The following GLIS3 variants were observed in gnomAD, a reference collection of about 807,000 sequenced individuals.
The protein encoded by GLIS3 is zinc finger protein GLIS3.
In GLIS3, 53 loss-of-function variants were observed where a neutral mutation model predicts 78.6. That is an observed-to-expected ratio of 0.67 (90% CI 0.54 to 0.85). The LOEUF (loss-of-function observed/expected upper bound fraction) is 0.85, where lower values mean the gene tolerates loss of function less well. Among genes scored for constraint, GLIS3 ranks in the 40% least tolerant of loss-of-function variants. The pLI, the probability that GLIS3 is intolerant of heterozygous loss-of-function variation, is 0.00. For missense variants in GLIS3, 1,703 were observed against 1,231.1 expected (o/e 1.38, Z -5.74); for synonymous variants, 684 against 509.9 (o/e 1.34, Z -4.60).
intron 4 of GLIS3, among the ~76,000 whole-genome samples, chr9:4,007,614 TG>T (rs1022743088): frequency 2.5e-4 from 38 of 152,186 alleles, no homozygotes; most frequent in African/African-American, 7.5e-4. Flanking sequence ...AATCCACATC[TG>T]ATGGTAGAAT....
chr9:4,486,552 T>C, the GLIS3 span, among the ~76,000 whole-genome samples: 2 of 152,214 alleles, frequency 1.3e-5, no homozygotes, highest in African/African-American at 4.8e-5. Flanking sequence ...CTGGACCTCA[T>C]TGGGAGGCTA....
At chr9:4,170,986 G>C (rs1484398718) in intron 2 of GLIS3, among the ~76,000 whole-genome samples, 2 of 152,128 alleles carry the variant, frequency 1.3e-5, no homozygotes, top group Admixed American at 6.5e-5. Flanking sequence ...TGTCATGGTA[G>C]CACATGCAGA....
At chr9:4,344,561 G>A (rs766870581) in intron 2 of GLIS3, among the ~76,000 whole-genome samples, 1 of 152,138 alleles carries the variant, frequency 6.6e-6, no homozygotes, top group East Asian at 1.9e-4. Context: ...CTCACTCCCT[G>A]GGTGTTCTCA....
At chr9:4,060,024 G>A (rs373564152) in intron 4 of GLIS3, among the ~76,000 whole-genome samples, 12 of 152,066 alleles carry the variant, frequency 7.9e-5, no homozygotes, top group East Asian at 3.9e-4. Context: ...GTTGAATTCC[G>A]AATGCATCCT....
intron 6 of GLIS3, among the ~76,000 whole-genome samples, chr9:3,907,813 G>A (rs1823827688): frequency 6.6e-6 from 1 of 152,106 alleles, no homozygotes; most frequent in Non-Finnish European, 1.5e-5. Flanking sequence ...TCTTGCAAGT[G>A]CGTCCTTCAT....
rs375361763 is a variant in GLIS3, at chr9:4,189,397, G to A, written c.389-63456C>T. On this transcript the variant is annotated intron_variant, in intron 2 of 10. Coordinates refer to ENST00000381971, the MANE Select transcript of GLIS3 (RefSeq NM_001042413.2). The stretch of plus-strand genomic sequence containing the variant: ...TTTCTGTTCTTTTATATGTGCTGAG[G>A]AGAGCTTTACTTCCAACTATGTGGT... Among the ~76,000 whole-genome samples, 6 of 152,272 alleles carry A rather than the reference G, an allele frequency of 3.9e-5. No individual in the cohort carries two copies. In the East Asian group the frequency reaches 1.2e-3, roughly 29 times the overall value.
intron 2 of GLIS3, among the ~76,000 whole-genome samples, chr9:4,211,413 C>G (rs537594090): frequency 5.2e-4 from 79 of 152,280 alleles, no homozygotes; most frequent in African/African-American, 1.9e-3. Context: ...ATCTATCAAG[C>G]CTTGCCACCA....
At position 4,286,427 on chromosome 9, in the gene GLIS3, C is replaced by G. The variant is rs1587312807; in HGVS notation, c.-2G>C. 2 of 1,613,862 alleles carry G rather than the reference C, an allele frequency of 1.2e-6. No homozygotes were observed. The highest frequency in any genetic ancestry group is 1.7e-6 in the Non-Finnish European group (2 of 1,180,034). ...CATGCTGCATGATCTTCCATTCATT[C>G]TGAAAAACCTGTGGCCAAGACGGTC... On this transcript the variant is annotated 5_prime_UTR_variant, in exon 2 of 11. Transcript: ENST00000381971.
chr9:4,200,054 C>G (rs1819226762), intron 2 of GLIS3, among the ~76,000 whole-genome samples: 3 of 152,056 alleles, frequency 2.0e-5, no homozygotes, highest in African/African-American at 7.2e-5. Context: ...TCAGAATGAC[C>G]TTGGAGTAAA....
At chr9:3,986,389 TC>T (rs1344953801) in intron 4 of GLIS3, among the ~76,000 whole-genome samples, 1 of 152,218 alleles carries the variant, frequency 6.6e-6, no homozygotes, top group Non-Finnish European at 1.5e-5. Flanking sequence ...TCATAAAAAT[TC>T]ACAGAATTCC....
the GLIS3 span, among the ~76,000 whole-genome samples, chr9:4,461,278 A>T: frequency 6.6e-6 from 1 of 152,304 alleles, no homozygotes; most frequent in South Asian, 2.1e-4. Flanking sequence ...CTCCAGAAAG[A>T]TGGATCAATG....
the GLIS3 span, among the ~76,000 whole-genome samples, chr9:4,479,406 G>A: frequency 1.3e-5 from 2 of 152,270 alleles, no homozygotes; most frequent in Admixed American, 1.3e-4. Context: ...CTGTGAAGAT[G>A]TATTCTTTCC....
At chr9:3,949,101 A>C (rs1357870621) in intron 4 of GLIS3, among the ~76,000 whole-genome samples, 1 of 152,216 alleles carries the variant, frequency 6.6e-6, no homozygotes, top group Non-Finnish European at 1.5e-5. Context: ...GTAATTCCAA[A>C]GGAATGTTAT....
intron 2 of GLIS3, among the ~76,000 whole-genome samples, chr9:4,322,377 C>G (rs1027849379): frequency 1.3e-5 from 2 of 152,016 alleles, no homozygotes; most frequent in Non-Finnish European, 2.9e-5. Flanking sequence ...GATTTATAAT[C>G]CTTTGGGTAT....
At chr9:3,979,721 G>A (rs751535607) in intron 4 of GLIS3, among the ~76,000 whole-genome samples, 2 of 152,130 alleles carry the variant, frequency 1.3e-5, no homozygotes, top group East Asian at 1.9e-4. Flanking sequence ...GACTATCACA[G>A]TAGGATCCAC....
At chr9:4,218,669 G>C (rs754245849) in intron 2 of GLIS3, among the ~76,000 whole-genome samples, 2 of 152,088 alleles carry the variant, frequency 1.3e-5, no homozygotes, top group Non-Finnish European at 2.9e-5. Flanking sequence ...CTTGAGATGT[G>C]GCTAGTGCAA....
chr9:3,846,960 G>A (rs1469029426), intron 9 of GLIS3, among the ~76,000 whole-genome samples: 1 of 152,118 alleles, frequency 6.6e-6, no homozygotes. Flanking sequence ...AAGGCAGGGG[G>A]GTCACCTGAA....
chr9:3,950,503 G>A (rs1816606447), intron 4 of GLIS3, among the ~76,000 whole-genome samples: 1 of 152,122 alleles, frequency 6.6e-6, no homozygotes, highest in South Asian at 2.1e-4. Flanking sequence ...TTTCTCAAGG[G>A]CACCATGCCC....
intron 4 of GLIS3, among the ~76,000 whole-genome samples, chr9:3,943,114 A>G (rs1229828580): frequency 2.6e-5 from 4 of 152,142 alleles, no homozygotes; most frequent in Non-Finnish European, 5.9e-5. Context: ...TGGACTTCGC[A>G]TTTGGACATA....
Sources: allele counts gnomAD v4.1 joint callset (sites outside exome capture counted in the v4.1 genomes callset), GRCh38; gene constraint gnomAD v4.1.1; transcripts MANE v1.5; gene names NCBI Gene and HGNC (gene_info 2026-07-23, HGNC 2026-07-21).